The following C2orf78 variants were observed in gnomAD, a reference collection of about 807,000 sequenced individuals.
The protein encoded by C2orf78 is uncharacterized protein C2orf78.
Under a neutral mutation model 21.4 loss-of-function variants are expected in C2orf78, and 12 were observed. The observed-to-expected ratio is 0.56, with a 90% CI of 0.36 to 0.91. The LOEUF (loss-of-function observed/expected upper bound fraction) is 0.91. Among genes scored for constraint, C2orf78 ranks in the 40% least tolerant of loss-of-function variants. C2orf78 has a pLI of 0.01. For missense variants in C2orf78, 1,042 were observed against 1,092.4 expected, an observed-to-expected ratio of 0.95 and a Z score of 0.65; for synonymous variants, 396 against 413.9, an observed-to-expected ratio of 0.96 and a Z score of 0.52.
chr2:73,815,357 C>T (rs964124302), exon 3 of C2orf78: 3 of 1,613,828 alleles, frequency 1.9e-6, no homozygotes, highest in Non-Finnish European at 2.5e-6. Context: ...TCCACCAGAT[C>T]CTAATAGGAA....
intron 1 of C2orf78, among the ~76,000 whole-genome samples, chr2:73,810,458 T>G (rs1673056412): frequency 6.7e-6 from 1 of 150,074 alleles, no homozygotes; most frequent in Admixed American, 6.7e-5. Context: ...ACCCAGGAGG[T>G]GTAGGTTGCA....
At chr2:73,811,370 T>G (rs1284220113) in intron 1 of C2orf78, among the ~76,000 whole-genome samples, 4 of 152,176 alleles carry the variant, frequency 2.6e-5, no homozygotes, top group African/African-American at 9.6e-5. Flanking sequence ...GGACATGTAA[T>G]TTGCAGTGTG....
chr2:73,784,534 C>T, intron 1 of C2orf78, 128 bp downstream of exon 1: 1 of 633,842 alleles, frequency 1.6e-6, no homozygotes, highest in Non-Finnish European at 2.6e-6. Flanking sequence ...AATCCAGAGA[C>T]CTCATTTCAG....
intron 1 of C2orf78, among the ~76,000 whole-genome samples, chr2:73,812,150 C>T (rs1488575754): frequency 6.6e-6 from 1 of 152,036 alleles, no homozygotes; most frequent in Non-Finnish European, 1.5e-5. Flanking sequence ...GTTAGAAATT[C>T]ATTCATTCTA....
intron 2 of C2orf78, among the ~76,000 whole-genome samples, chr2:73,814,854 T>A (rs1335361433): frequency 6.6e-6 from 1 of 152,174 alleles, no homozygotes; most frequent in African/African-American, 2.4e-5. Flanking sequence ...AACAACCCTA[T>A]GAAATACAAA....
chr2:73,807,037 C>A (rs1243027674), intron 1 of C2orf78, among the ~76,000 whole-genome samples: 1 of 144,104 alleles, frequency 6.9e-6, no homozygotes, highest in Non-Finnish European at 1.5e-5. Flanking sequence ...AAAAATTAGC[C>A]GGGCATGGTG....
intron 1 of C2orf78, among the ~76,000 whole-genome samples, chr2:73,809,136 G>C (rs773217125): frequency 6.6e-6 from 1 of 152,078 alleles, no homozygotes; most frequent in Non-Finnish European, 1.5e-5. Context: ...TAATAGACTG[G>C]TTATTCCCCC....
chr2:73,784,402 G>A, exon 1 of C2orf78: 2 of 1,026,112 alleles, frequency 1.9e-6, no homozygotes, highest in Non-Finnish European at 2.9e-6. Flanking sequence ...CTCTGACCAT[G>A]TCAGGTAAAG....
chr2:73,810,896 C>T (rs1345811963), intron 1 of C2orf78, among the ~76,000 whole-genome samples: 1 of 134,418 alleles, frequency 7.4e-6, no homozygotes, highest in Non-Finnish European at 1.5e-5. Context: ...GTGTATATTA[C>T]ATGTATATTA....
At chr2:73,812,991 A>G (rs1479768481) in intron 1 of C2orf78, among the ~76,000 whole-genome samples, 3 of 152,224 alleles carry the variant, frequency 2.0e-5, no homozygotes, top group Admixed American at 1.3e-4. Flanking sequence ...ATGCTCAGAG[A>G]AAAGACTCCT....
chr2:73,816,791 A>G, exon 3 of C2orf78: 1 of 1,614,016 alleles, frequency 6.2e-7, no homozygotes, highest in African/African-American at 1.3e-5. Flanking sequence ...AACCCCGTCC[A>G]TGGAGGAAAC....
At chr2:73,786,003 G>T (rs1345174647) in intron 1 of C2orf78, among the ~76,000 whole-genome samples, 4 of 151,754 alleles carry the variant, frequency 2.6e-5, no homozygotes, top group Non-Finnish European at 5.9e-5. Context: ...CCAAGATCGC[G>T]CCATTGCACT....
At chr2:73,809,307 C>T (rs1673023433) in intron 1 of C2orf78, among the ~76,000 whole-genome samples, 2 of 152,182 alleles carry the variant, frequency 1.3e-5, no homozygotes, top group South Asian at 2.1e-4. Context: ...GTAATAGTCT[C>T]CCTCCACTAA....
At chr2:73,813,849 C>A in exon 2 of C2orf78, 1 of 1,613,988 alleles carries the variant, frequency 6.2e-7, no homozygotes, top group East Asian at 2.2e-5. Context: ...ACAGCTGTCT[C>A]TTCCATGTCT....
intron 1 of C2orf78, among the ~76,000 whole-genome samples, chr2:73,811,894 T>G (rs924448611): frequency 1.3e-5 from 2 of 152,190 alleles, no homozygotes; most frequent in African/African-American, 2.4e-5. Flanking sequence ...CTGGGTAATA[T>G]TCATAGAAAT....
At chr2:73,816,551 T>C (rs751847976) in exon 3 of C2orf78, 1 of 1,613,858 alleles carries the variant, frequency 6.2e-7, no homozygotes, top group Non-Finnish European at 8.5e-7. Flanking sequence ...CCAACACATC[T>C]TTGACAGGTC....
chr2:73,784,259 C>A lies in C2orf78; in HGVS notation c.-51C>A. The A allele has an allele frequency of 6.7e-6, 10 of 1,500,202 alleles. No homozygotes were observed. In the South Asian group the frequency reaches 8.5e-5, roughly 13 times the overall value. The allele number at this position is 1,500,202 out of a possible 1,614,324, so 92.9% of individuals were successfully genotyped here. On this transcript the variant is annotated 5_prime_UTR_variant, in exon 1 of 3. Coordinates refer to ENST00000409561, the Ensembl canonical transcript of C2orf78. ...CGTGGCCTGTAAATTTGTATCATCACAAGGGGCCAGTGACCAGTAACCAGT... is the reference window on the plus strand; with the variant it reads ...CGTGGCCTGTAAATTTGTATCATCAAAAGGGGCCAGTGACCAGTAACCAGT...
chr2:73,810,217 T>TTAA (rs1573198876), intron 1 of C2orf78, among the ~76,000 whole-genome samples: 1 of 152,100 alleles, frequency 6.6e-6, no homozygotes, highest in Non-Finnish European at 1.5e-5. Context: ...TTGACAGTTT[T>TTAA]TAATATAAAC....
chr2:73,786,237 G>A (rs1293405768), intron 1 of C2orf78, among the ~76,000 whole-genome samples: 1 of 151,588 alleles, frequency 6.6e-6, no homozygotes. Context: ...AGAATTAGCT[G>A]GGTGTGGTGG....
Sources: gnomAD v4.1 joint callset for allele counts (sites outside exome capture counted in the v4.1 genomes callset) on GRCh38, gnomAD v4.1.1 for gene constraint, MANE v1.5 for transcripts, NCBI Gene and HGNC (gene_info 2026-07-23, HGNC 2026-07-21) for gene names.